Variants in CA2 observed in about 807,000 individuals in gnomAD.
The protein encoded by CA2 is carbonic anhydrase 2.
Under a neutral mutation model 27.8 loss-of-function variants are expected in CA2, and 23 were observed. The observed-to-expected ratio is 0.83, with a 90% CI of 0.59 to 1.17. CA2 has a LOEUF of 1.17. Ranked by LOEUF, CA2 falls within the 50% of genes most tolerant of loss-of-function variation. The pLI is 0.00. For synonymous variants in CA2, 99 were observed against 114.9 expected (o/e 0.86, Z 0.88); for missense variants, 300 against 314.7 (o/e 0.95, Z 0.35).
intron 2 of CA2, among the ~76,000 whole-genome samples, chr8:85,470,924 A>G (rs1348219062): frequency 6.6e-6 from 1 of 152,110 alleles, no homozygotes; most frequent in African/African-American, 2.4e-5. Context: ...CACCACTGCC[A>G]TGGCTGGATT....
At chr8:85,470,703 C>T (rs1811702858) in intron 2 of CA2, among the ~76,000 whole-genome samples, 1 of 151,782 alleles carries the variant, frequency 6.6e-6, no homozygotes, top group Non-Finnish European at 1.5e-5. Flanking sequence ...TAACATTATA[C>T]TTAGTGCTTG....
intron 2 of CA2, 56 bp from the exon 3 acceptor site, chr8:85,473,637 A>G (rs948122103): frequency 1.2e-6 from 1 of 813,566 alleles, no homozygotes; most frequent in Non-Finnish European, 2.2e-6. Context: ...CTATGTATAT[A>G]TGTGTATGCA....
chr8:85,477,205 C>T lies in CA2; in HGVS notation c.593C>T (p.Thr198Ile). Residue 198 changes from threonine (T) to isoleucine (I), a missense_variant, in exon 6 of 7, where the codon ACC becomes ATC. Thr to Ile is a moderately conservative substitution (Grantham distance 89). Around this residue, in one of 3 missense-constraint regions of CA2, gnomAD observed 173 missense variants for 161.0 expected, o/e 1.07. Transcript: ENST00000285379. The part of the protein sequence containing the change: ...LDYWTYPGSL[T>I]TPPLLECVTW... Reference sequence around the variant, plus strand: ...TACTGGACCTACCCAGGCTCACTGACCACCCCTCCTCTTCTGGAATGTGTG... The same window carrying T: ...TACTGGACCTACCCAGGCTCACTGATCACCCCTCCTCTTCTGGAATGTGTG... 6.2e-7 allele frequency: 1 copy of T among 1,614,074 alleles called. No homozygotes were observed. Among genetic ancestry groups the T allele is most frequent in the South Asian group, 1.1e-5 (1 of 91,068 alleles).
In CA2 at chr8:85,468,501, G is replaced by C. The variant is rs184022595; in HGVS notation, c.232+3032G>C. On this transcript the variant is annotated intron_variant, in intron 2 of 6. Coordinates refer to ENST00000285379, the MANE Select transcript of CA2 (RefSeq NM_000067.3). ...GGGACAGGCACGGTGGCTCACGCCT[G>C]TAGTCCCAGCACTTTGGAAGACTGA... Among the ~76,000 whole-genome samples, 5 of 152,360 alleles carry C rather than the reference G, an allele frequency of 3.3e-5. No individual in the cohort carries two copies. The East Asian group carries it at 9.6e-4, about 29-fold the overall frequency.
chr8:85,474,491 A>T lies in CA2; in HGVS notation c.444+75A>T. 3 of 1,092,816 alleles carry T rather than the reference A, an allele frequency of 2.7e-6. No homozygotes were observed. In the East Asian group the frequency reaches 7.1e-5, roughly 26 times the overall value. The allele number at this position is 1,092,816 out of a possible 1,614,324, so 67.7% of individuals were successfully genotyped here. A position where few individuals can be genotyped will look rare whatever the true frequency, so the allele number is the denominator to read the frequency against. ...ACCAGACAGAGTATTTGTAACATAC[A>T]GGACATTCTACAAAAGAGCTTAGGA... On this transcript the variant is annotated intron_variant, in intron 4 of 6. Transcript: ENST00000285379.
intron 6 of CA2, among the ~76,000 whole-genome samples, chr8:85,479,617 G>A (rs1178968573): frequency 6.6e-6 from 1 of 152,126 alleles, no homozygotes; most frequent in Non-Finnish European, 1.5e-5. Context: ...CTGTTCAACA[G>A]CTGCCTGTAT....
At chr8:85,466,404 C>T (rs1464059908) in intron 2 of CA2, among the ~76,000 whole-genome samples, 5 of 151,740 alleles carry the variant, frequency 3.3e-5, no homozygotes, top group South Asian at 2.1e-4. Flanking sequence ...TAGTGACCTA[C>T]GGTACTAATA....
intron 3 of CA2, 77 bp from the exon 4 acceptor site, chr8:85,474,247 G>T: frequency 1.9e-6 from 2 of 1,056,954 alleles, no homozygotes; most frequent in Non-Finnish European, 3.0e-6. Flanking sequence ...TTTATTGTGA[G>T]AAAAAGACCA....
intron 6 of CA2, 87 bp from the exon 7 acceptor site, chr8:85,480,582 CG>C: frequency 7.3e-7 from 1 of 1,363,314 alleles, no homozygotes. Context: ...TGCGCCTGGC[CG>C]GGGAATGTAT....
chr8:85,470,014 C>T (rs1184060027), intron 2 of CA2, among the ~76,000 whole-genome samples: 4 of 152,248 alleles, frequency 2.6e-5, no homozygotes, highest in South Asian at 4.1e-4. Flanking sequence ...TTGTCATGCA[C>T]GCAGTAATGG....
chr8:85,475,039 G>A (rs1811770456), intron 4 of CA2, among the ~76,000 whole-genome samples: 2 of 152,064 alleles, frequency 1.3e-5, no homozygotes, highest in African/African-American at 4.8e-5. Context: ...CAGGTGTGGT[G>A]GCTTAAGCCT....
At chr8:85,466,883 T>C (rs781276760) in intron 2 of CA2, among the ~76,000 whole-genome samples, 13 of 152,168 alleles carry the variant, frequency 8.5e-5, no homozygotes, top group Non-Finnish European at 1.2e-4. Flanking sequence ...TAAAGAATAC[T>C]GTATATTTAT....
intron 2 of CA2, among the ~76,000 whole-genome samples, chr8:85,469,089 A>C (rs2130550426): frequency 1.3e-5 from 2 of 152,282 alleles, no homozygotes; most frequent in Middle Eastern, 6.8e-3. Context: ...GTTTTTTAAA[A>C]GCTGGCATTT....
chr8:85,477,571 A>G (rs1285526957), intron 6 of CA2, among the ~76,000 whole-genome samples: 1 of 149,780 alleles, frequency 6.7e-6, no homozygotes, highest in East Asian at 2.0e-4. Flanking sequence ...AGTTATGAGG[A>G]AACTAAGGCT....
chr8:85,466,204 CAAG>C (rs1811628922), intron 2 of CA2, among the ~76,000 whole-genome samples: 1 of 138,282 alleles, frequency 7.2e-6, no homozygotes, highest in Non-Finnish European at 1.6e-5. Flanking sequence ...TCTTTTGAAA[CAAG>C]AGAACAATCC....
chr8:85,475,428 A>AG (rs1187955878), intron 4 of CA2, among the ~76,000 whole-genome samples: 1 of 149,762 alleles, frequency 6.7e-6, no homozygotes, highest in Non-Finnish European at 1.5e-5. Flanking sequence ...GGTTGCTGGA[A>AG]GGCGTAGGGA....
intron 2 of CA2, among the ~76,000 whole-genome samples, chr8:85,473,017 TAAA>T (rs1811732822): frequency 2.1e-5 from 3 of 140,508 alleles, no homozygotes; most frequent in African/African-American, 7.6e-5. Flanking sequence ...TAATAATAAA[TAAA>T]TAAATAAATA....
Position 85,475,778 on chromosome 8 carries a change from C to G in CA2, c.445-20C>G. ...GTACCAACTGGGTGATAGTATCTTGCCCTTTATGTTTTTCTTTAGGTTGGC... is the reference window on the plus strand; with the variant it reads ...GTACCAACTGGGTGATAGTATCTTGGCCTTTATGTTTTTCTTTAGGTTGGC... On this transcript the variant is annotated intron_variant, in intron 4 of 6. Transcript: ENST00000285379. 6 of 1,610,852 alleles carry G rather than the reference C, an allele frequency of 3.7e-6. No individual in the cohort carries two copies. Among genetic ancestry groups the G allele is most frequent in the Non-Finnish European group, 5.1e-6 (6 of 1,177,126 alleles).
chr8:85,467,676 T>C (rs1811649450), intron 2 of CA2, among the ~76,000 whole-genome samples: 2 of 152,278 alleles, frequency 1.3e-5, no homozygotes, highest in African/African-American at 4.8e-5. Flanking sequence ...ACTTATTTTA[T>C]GTATGAAGTT....
Sources: gnomAD v4.1 joint callset for allele counts (sites outside exome capture counted in the v4.1 genomes callset) on GRCh38, gnomAD v4.1.1 for gene constraint, gnomAD v4.1.1 regional missense constraint, MANE v1.5 for transcripts, NCBI Gene and HGNC (gene_info 2026-07-23, HGNC 2026-07-21) for gene names.